Variants in SLC9B1 observed in about 807,000 individuals in gnomAD.
The protein encoded by SLC9B1 is solute carrier family 9 member B1.
In SLC9B1, 32 loss-of-function variants were observed where a neutral mutation model predicts 51.7. That is an observed-to-expected ratio of 0.62 (90% CI 0.47 to 0.83). The LOEUF (loss-of-function observed/expected upper bound fraction) is 0.83. SLC9B1 is among the 40% of genes least tolerant of loss of function. The probability of loss-of-function intolerance (pLI) is 0.00; values close to 1 mark genes in which losing one functional copy is unlikely to be tolerated. For synonymous variants in SLC9B1, 145 were observed against 212.7 expected (o/e 0.68, Z 2.77); for missense variants, 406 against 613.2 (o/e 0.66, Z 3.57).
At chr4:102,888,950 CTTTTTA>C (rs1299006434) in intron 11 of SLC9B1, 1 of 152,180 alleles carries the variant, frequency 6.6e-6, no homozygotes, top group East Asian at 1.9e-4. Flanking sequence ...ACTTTGCTTT[CTTTTTA>C]TAAGAATGTA....
downstream of SLC9B1, chr4:102,898,346 A>G (rs1375026798): frequency 3.7e-6 from 1 of 272,020 alleles, no homozygotes; most frequent in Non-Finnish European, 7.1e-6. Context: ...TATAAAATAA[A>G]TTTAAAAAGG....
intron 1 of SLC9B1, among the ~76,000 whole-genome samples, chr4:103,014,555 T>C (rs1741226147): frequency 6.6e-6 from 1 of 152,244 alleles, no homozygotes; most frequent in African/African-American, 2.4e-5. Context: ...TTTTAGTGAC[T>C]TGTGTTCCCA....
chr4:102,888,854 C>G (rs1340836138), intron 11 of SLC9B1: 1 of 152,234 alleles, frequency 6.6e-6, no homozygotes, highest in Non-Finnish European at 1.5e-5. Context: ...TGAGACCTTG[C>G]TAGGCACTCT....
chr4:102,924,464 A>T (rs1263764071), intron 7 of SLC9B1, among the ~76,000 whole-genome samples: 1 of 152,200 alleles, frequency 6.6e-6, no homozygotes, highest in East Asian at 1.9e-4. Flanking sequence ...CTAGAAGAAT[A>T]CCTAGGCAAT....
intron 3 of SLC9B1, among the ~76,000 whole-genome samples, chr4:102,959,799 T>C (rs1738002586): frequency 6.6e-6 from 1 of 152,278 alleles, no homozygotes; most frequent in East Asian, 1.9e-4. Flanking sequence ...CAAACTTCTA[T>C]AGCAATTTGA....
At chr4:102,991,170 T>A (rs901928651) in intron 2 of SLC9B1, among the ~76,000 whole-genome samples, 15 of 152,072 alleles carry the variant, frequency 9.9e-5, no homozygotes, top group African/African-American at 3.6e-4. Flanking sequence ...TAGAAATCTC[T>A]ATTTTAAAAA....
At chr4:102,922,636 TC>T (rs1735939073) in intron 7 of SLC9B1, among the ~76,000 whole-genome samples, 1 of 151,608 alleles carries the variant, frequency 6.6e-6, no homozygotes, top group Non-Finnish European at 1.5e-5. Context: ...TTTGAAAAGA[TC>T]AACAAAATTG....
At chr4:102,931,834 TGAG>T (rs2110458580) in intron 7 of SLC9B1, among the ~76,000 whole-genome samples, 1 of 152,330 alleles carries the variant, frequency 6.6e-6, no homozygotes, top group African/African-American at 2.4e-5. Context: ...TTTTTTCTAA[TGAG>T]AACTGATAAA....
At chr4:102,934,126 A>G (rs560398592) in intron 6 of SLC9B1, among the ~76,000 whole-genome samples, 10 of 152,254 alleles carry the variant, frequency 6.6e-5, no homozygotes, top group Non-Finnish European at 1.3e-4. Flanking sequence ...AATCAGAGAT[A>G]CACCAATCAA....
At chr4:102,943,358 T>C (rs539559038) in intron 6 of SLC9B1, among the ~76,000 whole-genome samples, 1 of 152,256 alleles carries the variant, frequency 6.6e-6, no homozygotes, top group Admixed American at 6.5e-5. Context: ...AGTCATTATA[T>C]GAAAAAAACA....
chr4:102,989,925 T>G lies in SLC9B1; in HGVS notation c.86A>C (p.Asn29Thr), dbSNP rs141019210. ...TTTAGTTTCTTCCTGTGCAGTATTA[T>G]TAGGATCAATGAGACTCTGTAGTAA... ...STTPQSLIDP[N>T]NTAQEETKTV... The change falls in exon 3 of 12, where the codon AAT becomes ACT. Residue 29 changes from asparagine (N) to threonine (T), a missense_variant. Physicochemically the swap from Asn to Thr is moderately conservative, Grantham distance 65. Transcript: ENST00000296422. 1 of 1,583,182 alleles carries G rather than the reference T, an allele frequency of 6.3e-7. No individual in the cohort carries two copies. Among genetic ancestry groups the G allele is most frequent in the Middle Eastern group, 1.7e-4 (1 of 6,002 alleles).
intron 1 of SLC9B1, among the ~76,000 whole-genome samples, chr4:102,995,384 T>C (rs2110523316): frequency 6.6e-6 from 1 of 152,264 alleles, no homozygotes; most frequent in Middle Eastern, 3.4e-3. Flanking sequence ...GAGTCATAAG[T>C]AAGCAGATGG....
At chr4:102,963,993 A>T (rs1019454570) in intron 3 of SLC9B1, among the ~76,000 whole-genome samples, 1 of 152,146 alleles carries the variant, frequency 6.6e-6, no homozygotes, top group African/African-American at 2.4e-5. Flanking sequence ...GGATAACATT[A>T]AAAACAACCA....
chr4:102,942,236 G>A (rs527639002), intron 6 of SLC9B1, among the ~76,000 whole-genome samples: 2 of 152,208 alleles, frequency 1.3e-5, no homozygotes, highest in South Asian at 2.1e-4. Context: ...CACATCACAC[G>A]CTCATGGATA....
chr4:102,910,856 A>T (rs1253975001), intron 8 of SLC9B1, among the ~76,000 whole-genome samples: 2 of 152,228 alleles, frequency 1.3e-5, no homozygotes, highest in African/African-American at 4.8e-5. Context: ...AGTGAAGAAG[A>T]AAAGAGACCC....
chr4:102,886,870 C>T (rs1733951668), intron 11 of SLC9B1, among the ~76,000 whole-genome samples: 1 of 152,212 alleles, frequency 6.6e-6, no homozygotes, highest in Non-Finnish European at 1.5e-5. Context: ...CTACCTCTGC[C>T]TCTGAAAGTG....
At chr4:102,951,849 T>C (rs1737574957) in intron 3 of SLC9B1, among the ~76,000 whole-genome samples, 1 of 150,950 alleles carries the variant, frequency 6.6e-6, no homozygotes, top group Non-Finnish European at 1.5e-5. Context: ...GATTAGGGTT[T>C]TTATTGATTT....
intron 7 of SLC9B1, among the ~76,000 whole-genome samples, chr4:102,920,095 C>T (rs1298624045): frequency 1.3e-5 from 2 of 152,232 alleles, no homozygotes; most frequent in South Asian, 2.1e-4. Context: ...CAGACTGCCT[C>T]ATCAAGTGGG....
chr4:102,920,117 T>C (rs374599736), intron 7 of SLC9B1, among the ~76,000 whole-genome samples: 4 of 152,230 alleles, frequency 2.6e-5, no homozygotes, highest in African/African-American at 9.6e-5. Context: ...CCCTGACCCC[T>C]GTGTAGCCTA....
Sources: gnomAD v4.1 joint callset for allele counts (sites outside exome capture counted in the v4.1 genomes callset) on GRCh38, gnomAD v4.1.1 for gene constraint, MANE v1.5 for transcripts, NCBI Gene and HGNC (gene_info 2026-07-23, HGNC 2026-07-21) for gene names.